Variants in ERI1 observed in about 807,000 individuals in gnomAD.
ERI1 encodes the protein exoribonuclease 1.
Under a neutral mutation model 39.7 loss-of-function variants are expected in ERI1, and 39 were observed. The observed-to-expected ratio is 0.98, with a 90% confidence interval of 0.76 to 1.28. The LOEUF is 1.28. ERI1 is among the 50% of genes most tolerant of loss of function. The probability of loss-of-function intolerance (pLI) is 0.00; values close to 1 mark genes in which losing one functional copy is unlikely to be tolerated. For missense variants in ERI1, 581 were observed against 416.9 expected (o/e 1.39, Z -3.43); for synonymous variants, 204 against 149.6 (o/e 1.36, Z -2.65).
intron 5 of ERI1, among the ~76,000 whole-genome samples, chr8:9,019,518 C>A (rs898792928): frequency 6.6e-6 from 1 of 152,134 alleles, no homozygotes; most frequent in Non-Finnish European, 1.5e-5. Flanking sequence ...TGGGACAGAT[C>A]ACTCAAAACC....
rs186450533 is a variant in ERI1 at position 9,017,179 on chromosome 8, A to G, written c.582+774A>G. ...CTCAGCCTCCCAAGTAGCTGAGACT[A>G]TAGGCACACACCACGATGATTGGCT... is the stretch of plus-strand genomic sequence containing the variant. On this transcript the variant is annotated intron_variant, in intron 4 of 6. Transcript: ENST00000250263. Among the ~76,000 whole-genome samples the G allele has an allele frequency of 7.1e-3, 1,080 of 152,230 alleles. 47 individuals are homozygous for G. Among genetic ancestry groups the G allele is most frequent in the East Asian group, 0.022 (116 of 5,174 alleles).
intron 4 of ERI1, among the ~76,000 whole-genome samples, chr8:9,017,530 CAG>C (rs1297681838): frequency 6.6e-5 from 10 of 152,066 alleles, no homozygotes; most frequent in Admixed American, 5.9e-4. Flanking sequence ...CCTAATAAGT[CAG>C]TGTTTTATTG....
intron 6 of ERI1, among the ~76,000 whole-genome samples, chr8:9,024,568 C>T (rs1379099185): frequency 6.6e-6 from 1 of 152,010 alleles, no homozygotes; most frequent in Non-Finnish European, 1.5e-5. Context: ...TTACAGGTGC[C>T]TCCCACCATG....
chr8:9,092,991 G>C (rs975070757), intron 3 of ERI1, among the ~76,000 whole-genome samples: 1 of 152,182 alleles, frequency 6.6e-6, no homozygotes, highest in Non-Finnish European at 1.5e-5. Context: ...TCACTCTAAT[G>C]GTTGCCTTCA....
chr8:9,025,751 G>C (rs1818410003), intron 6 of ERI1, among the ~76,000 whole-genome samples: 1 of 151,520 alleles, frequency 6.6e-6, no homozygotes. Flanking sequence ...AATACAGGTT[G>C]AGTATCCCTA....
At chr8:9,034,012 A>G (rs1797754752), downstream of ERI1, among the ~76,000 whole-genome samples, 1 of 152,226 alleles carries the variant, frequency 6.6e-6, no homozygotes, top group African/African-American at 2.4e-5. Flanking sequence ...GATGGGGATA[A>G]GTGGAGAAGG....
intron 4 of ERI1, among the ~76,000 whole-genome samples, chr8:9,017,297 A>G (rs1215213839): frequency 6.6e-6 from 1 of 151,826 alleles, no homozygotes; most frequent in Admixed American, 6.6e-5. Flanking sequence ...CTCGGTCCCA[A>G]AAAGTGTTGG....
At chr8:9,086,526 G>C (rs1799531812) in intron 3 of ERI1, among the ~76,000 whole-genome samples, 1 of 152,158 alleles carries the variant, frequency 6.6e-6, no homozygotes, top group Non-Finnish European at 1.5e-5. Flanking sequence ...CTCCAGCCTG[G>C]GTCACAGTGA....
intron 3 of ERI1, among the ~76,000 whole-genome samples, chr8:9,057,101 A>G (rs1168882669): frequency 2.0e-5 from 3 of 151,890 alleles, no homozygotes; most frequent in Non-Finnish European, 4.4e-5. Flanking sequence ...CAAAAGTGCT[A>G]GGATTACAGG....
chr8:9,062,640 TAATC>T lies in ERI1; in HGVS notation n.299+42178_299+42181del, dbSNP rs1294126814. ...CGGACTTAACCTCCACTGTGAGAGTTAATCAGAGTATCTGTGATGGTCCTGTAGG... is the reference window on the plus strand; with the variant it reads ...CGGACTTAACCTCCACTGTGAGAGTTAGAGTATCTGTGATGGTCCTGTAGG... On this transcript the variant is annotated intron_variant and non_coding_transcript_variant, in intron 3 of 3. Coordinates refer to the ERI1 transcript ENST00000518663. 3.4e-5 allele frequency: 5 copies of T among 145,096 alleles called. No individual in the cohort carries two copies. The East Asian group carries it at 1.1e-3, about 31-fold the overall frequency. 9.0% of individuals were successfully genotyped at this position (145,096 alleles called of 1,614,324 possible).
intron 1 of ERI1, among the ~76,000 whole-genome samples, chr8:9,006,830 C>T (rs1238249624): frequency 6.6e-6 from 1 of 152,056 alleles, no homozygotes; most frequent in East Asian, 1.9e-4. Flanking sequence ...ATTACATTTC[C>T]AGTAAATGTG....
At chr8:9,089,709 C>T (rs1057485161) in intron 3 of ERI1, among the ~76,000 whole-genome samples, 7 of 152,132 alleles carry the variant, frequency 4.6e-5, no homozygotes, top group African/African-American at 1.2e-4. Context: ...ACTAGCTGTA[C>T]AAAATGACGA....
intron 3 of ERI1, chr8:9,072,340 A>G (rs1003039834): frequency 1.3e-5 from 2 of 152,172 alleles, no homozygotes; most frequent in African/African-American, 2.4e-5. Flanking sequence ...TTCACATACC[A>G]TACAGTTCAC....
chr8:9,081,917 C>G (rs185792401), intron 3 of ERI1, among the ~76,000 whole-genome samples: 40 of 152,200 alleles, frequency 2.6e-4, no homozygotes, highest in African/African-American at 7.9e-4. Context: ...ACTGGAAGAC[C>G]AAATAAACCC....
intron 3 of ERI1, among the ~76,000 whole-genome samples, chr8:9,076,649 T>C (rs774158835): frequency 1.3e-5 from 2 of 152,258 alleles, no homozygotes; most frequent in Non-Finnish European, 2.9e-5. Flanking sequence ...CTTCTCTTTC[T>C]GTGGGAGAAA....
At position 9,002,991 on chromosome 8, in the gene ERI1, G is replaced by A; in HGVS notation, c.-73G>A. 9.6e-7 allele frequency: 1 copy of A among 1,044,756 alleles called. No homozygotes were observed. Among genetic ancestry groups the A allele is most frequent in the Non-Finnish European group, 1.2e-6 (1 of 809,544 alleles). 64.7% of individuals were successfully genotyped at this position (1,044,756 alleles called of 1,614,324 possible). A position where few individuals can be genotyped will look rare whatever the true frequency, so the allele number is the denominator to read the frequency against. Reference sequence around the variant, plus strand: ...TAATTTTTCAACGGAGAAAGGCGAGGCTTTCGGGCTCTGCAGAGTGAGAGT... The same window carrying A: ...TAATTTTTCAACGGAGAAAGGCGAGACTTTCGGGCTCTGCAGAGTGAGAGT... On this transcript the variant is annotated 5_prime_UTR_variant, in exon 1 of 7. Transcript: ENST00000250263.
At chr8:9,029,750 T>C (rs747400757) in intron 6 of ERI1, 42 bp from the exon 7 acceptor site, 6 of 1,610,452 alleles carry the variant, frequency 3.7e-6, no homozygotes, top group South Asian at 1.1e-5. Flanking sequence ...TATTACAGTT[T>C]AGAACACCAA....
intron 3 of ERI1, among the ~76,000 whole-genome samples, chr8:9,064,432 A>G (rs186713577): frequency 3.1e-4 from 47 of 152,294 alleles, no homozygotes; most frequent in African/African-American, 1.1e-3. Flanking sequence ...TACAATGATT[A>G]AACACCAAGG....
intron 3 of ERI1, among the ~76,000 whole-genome samples, chr8:9,045,663 C>G (rs1798150667): frequency 6.7e-6 from 1 of 150,336 alleles, no homozygotes; most frequent in Admixed American, 6.6e-5. Flanking sequence ...AATTTATCAT[C>G]AGAATCTATA....
Sources: allele counts gnomAD v4.1 joint callset (sites outside exome capture counted in the v4.1 genomes callset), GRCh38; gene constraint gnomAD v4.1.1; transcripts MANE v1.5; gene names NCBI Gene and HGNC (gene_info 2026-07-23, HGNC 2026-07-21).